Variants in KCTD5 observed in about 807,000 individuals in gnomAD.
KCTD5 encodes the protein potassium channel tetramerization domain containing 5.
KCTD5 carries 12 observed loss-of-function variants against 27.9 expected under a neutral mutation model. The ratio of observed to expected loss-of-function variants is 0.43; its 90% CI spans 0.28 to 0.70. The LOEUF (loss-of-function observed/expected upper bound fraction) is 0.70. KCTD5 is among the 30% of genes least tolerant of loss of function. The pLI is 0.19. For synonymous variants in KCTD5, 147 were observed against 121.4 expected, an observed-to-expected ratio of 1.21 and a Z score of -1.39; for missense variants, 226 against 274.8, an observed-to-expected ratio of 0.82 and a Z score of 1.26.
Position 2,707,539 on chromosome 16 carries a change from G to A in KCTD5, c.*212G>A, listed in dbSNP as rs912690310. ...CGTCCCCAAGTTGGGGGAGCACGGCGGCCGGGTGGGCGCTGCCTCTTGGGG... is the reference window on the plus strand; with the variant it reads ...CGTCCCCAAGTTGGGGGAGCACGGCAGCCGGGTGGGCGCTGCCTCTTGGGG... On this transcript the variant is annotated 3_prime_UTR_variant, in exon 6 of 6. Coordinates refer to ENST00000301738, the MANE Select transcript of KCTD5 (RefSeq NM_018992.4). The A allele has an allele frequency of 4.4e-5, 29 of 665,612 alleles. No homozygotes were observed. The highest frequency in any genetic ancestry group is 1.6e-4 in the Admixed American group (7 of 44,496). 41.2% of individuals were successfully genotyped at this position (665,612 alleles called of 1,614,324 possible). A position where few individuals can be genotyped will look rare whatever the true frequency, so the allele number is the denominator to read the frequency against.
chr16:2,690,530 A>G (rs1425337996), intron 1 of KCTD5, among the ~76,000 whole-genome samples: 1 of 152,220 alleles, frequency 6.6e-6, no homozygotes, highest in East Asian at 1.9e-4. Context: ...GCTGTTTTAG[A>G]AAAAAACCAC....
intron 3 of KCTD5, among the ~76,000 whole-genome samples, 200 bp from the exon 4 acceptor site, chr16:2,699,621 C>T (rs776870183): frequency 5.9e-5 from 9 of 152,252 alleles, no homozygotes; most frequent in South Asian, 2.1e-4. Flanking sequence ...TTTTTGGAGG[C>T]GAACGAGGAA....
intron 5 of KCTD5, among the ~76,000 whole-genome samples, chr16:2,704,425 G>A (rs1049674062): frequency 2.0e-5 from 3 of 152,256 alleles, no homozygotes; most frequent in Non-Finnish European, 4.4e-5. Flanking sequence ...CCTGGGTGGT[G>A]GGGCGGGAGG....
chr16:2,684,346 A>G (rs150858249), intron 1 of KCTD5: 1,860 of 152,294 alleles, frequency 0.012, 13 homozygotes, highest in Non-Finnish European at 0.02. Context: ...GTTCCTTAAG[A>G]CTTTGTTAAA....
intron 4 of KCTD5, among the ~76,000 whole-genome samples, chr16:2,700,170 C>T (rs1026956126): frequency 5.9e-5 from 9 of 152,222 alleles, no homozygotes; most frequent in Non-Finnish European, 1.0e-4. Flanking sequence ...TTCTTCCCAG[C>T]GCTGCGCTTT....
At chr16:2,697,480 T>C (rs1318488493) in intron 2 of KCTD5, among the ~76,000 whole-genome samples, 1 of 152,208 alleles carries the variant, frequency 6.6e-6, no homozygotes, top group African/African-American at 2.4e-5. Flanking sequence ...CCCCACCCAG[T>C]GGCGTGGCCA....
At chr16:2,687,572 G>T (rs1268658753) in intron 1 of KCTD5, among the ~76,000 whole-genome samples, 1 of 152,250 alleles carries the variant, frequency 6.6e-6, no homozygotes, top group African/African-American at 2.4e-5. Context: ...CGGATTGTGT[G>T]TGGCCGTTTT....
At chr16:2,688,360 C>A (rs562007923) in intron 1 of KCTD5, among the ~76,000 whole-genome samples, 3 of 151,712 alleles carry the variant, frequency 2.0e-5, no homozygotes, top group Non-Finnish European at 2.9e-5. Context: ...AAGCATTTCT[C>A]CTGCCCCACC....
At chr16:2,703,500 A>G (rs1319127632) in intron 5 of KCTD5, among the ~76,000 whole-genome samples, 1 of 152,110 alleles carries the variant, frequency 6.6e-6, no homozygotes, top group Non-Finnish European at 1.5e-5. Flanking sequence ...CACCTGGGCA[A>G]CCGCAGACTC....
At chr16:2,699,743 TG>T in intron 3 of KCTD5, 77 bp from the exon 4 acceptor site, 1 of 1,355,460 alleles carries the variant, frequency 7.4e-7, no homozygotes. Context: ...TCAGCCTCCC[TG>T]GGTCACCTGG....
At chr16:2,704,454 T>C (rs996011345) in intron 5 of KCTD5, among the ~76,000 whole-genome samples, 3 of 152,210 alleles carry the variant, frequency 2.0e-5, no homozygotes, top group African/African-American at 7.2e-5. Context: ...CTGTAGCAAG[T>C]GAAGGCGGTC....
At chr16:2,697,689 G>T (rs1484239113) in intron 2 of KCTD5, among the ~76,000 whole-genome samples, 1 of 152,188 alleles carries the variant, frequency 6.6e-6, no homozygotes, top group Non-Finnish European at 1.5e-5. Flanking sequence ...CCACACATCG[G>T]CCCTCTCACC....
chr16:2,684,730 A>G (rs1308259117), intron 1 of KCTD5: 1 of 151,486 alleles, frequency 6.6e-6, no homozygotes, highest in Non-Finnish European at 1.5e-5. Context: ...GCGCCACTGC[A>G]GTCCAGCCTG....
rs1311017899 is a variant in KCTD5 at position 2,699,114 on chromosome 16, C to G, written c.454-707C>G. The G allele has an allele frequency of 1.5e-5, 7 of 455,896 alleles. No individual in the cohort carries two copies. The Admixed American group carries it at 1.6e-4, about 11-fold the overall frequency. 28.2% of individuals were successfully genotyped at this position (455,896 alleles called of 1,614,324 possible). On this transcript the variant is annotated intron_variant, in intron 3 of 5. Coordinates refer to ENST00000301738, the MANE Select transcript of KCTD5 (RefSeq NM_018992.4). ...GAGTCACCACCTTAAGGTCAGGGAC[C>G]CAGGACCTCTGAACCCCTTCTCACT...
intron 2 of KCTD5, 89 bp from the exon 3 acceptor site, chr16:2,697,817 G>GCCCTCATT: frequency 1.1e-6 from 1 of 915,756 alleles, no homozygotes; most frequent in South Asian, 1.5e-5. Context: ...TCATTGCAGG[G>GCCCTCATT]GCAGGGGCAA....
intron 1 of KCTD5, among the ~76,000 whole-genome samples, chr16:2,687,739 C>A (rs1213894509): frequency 6.6e-6 from 1 of 150,682 alleles, no homozygotes; most frequent in Admixed American, 6.6e-5. Context: ...GTTCTTTTAG[C>A]AGCCCCCCTC....
At chr16:2,682,881 G>C in intron 1 of KCTD5, 81 bp downstream of exon 1, 1 of 1,458,740 alleles carries the variant, frequency 6.9e-7, no homozygotes, top group African/African-American at 1.5e-5. Flanking sequence ...TCGTGCGGAG[G>C]AGACTTCAGC....
intron 5 of KCTD5, among the ~76,000 whole-genome samples, chr16:2,706,977 C>G (rs368109375): frequency 6.6e-6 from 1 of 151,806 alleles, no homozygotes; most frequent in East Asian, 1.9e-4. Context: ...CTGAGGGACC[C>G]GCGGGCCGAG....
At chr16:2,687,754 C>G (rs530370955) in intron 1 of KCTD5, among the ~76,000 whole-genome samples, 2 of 152,270 alleles carry the variant, frequency 1.3e-5, no homozygotes, top group Admixed American at 1.3e-4. Flanking sequence ...CCCCTCCACG[C>G]CCCAGGTAAG....
Sources: gnomAD v4.1 joint callset for allele counts (sites outside exome capture counted in the v4.1 genomes callset) on GRCh38, gnomAD v4.1.1 for gene constraint, MANE v1.5 for transcripts, NCBI Gene and HGNC (gene_info 2026-07-23, HGNC 2026-07-21) for gene names.